The following COL5A1 variants were observed in gnomAD, a reference collection of about 807,000 sequenced individuals.
COL5A1 encodes the protein collagen type V alpha 1 chain.
COL5A1 carries 16 observed loss-of-function variants against 263.7 expected under a neutral mutation model. That is an observed-to-expected ratio of 0.06 (90% confidence interval 0.04 to 0.09). COL5A1 has a LOEUF of 0.09. COL5A1 is among the 10% of genes least tolerant of loss of function. COL5A1 has a pLI of 1.00. For synonymous variants in COL5A1, 1,012 were observed against 1,004.5 expected (o/e 1.01, Z -0.14); for missense variants, 2,036 against 2,540.5 (o/e 0.80, Z 4.27).
chr9:134,774,863 C>T lies in COL5A1; in HGVS notation c.2336C>T (p.Pro779Leu), dbSNP rs1158409646. The T allele has an allele frequency of 1.9e-6, 3 of 1,613,802 alleles. No homozygotes were observed. In the Admixed American group the frequency reaches 5.0e-5, roughly 27 times the overall value. Reference sequence around the variant, plus strand: ...TCTTTTTCTGTTTGGTTTTAGGGTCCACCTGGCCCCCAGGGTCCGATTGGC... The same window carrying T: ...TCTTTTTCTGTTTGGTTTTAGGGTCTACCTGGCCCCCAGGGTCCGATTGGC... ...GPPGEKGGQG[P>L]PGPQGPIGYP... Residue 779 changes from proline to leucine, a missense_variant, in exon 27 of 66, where the codon CCA (proline) becomes CTA (leucine). This residue lies in a region of COL5A1 where 1,078 missense variants were observed against 1,521.4 expected (regional missense o/e 0.71). Transcript: ENST00000371817.
intron 19 of COL5A1, 59 bp downstream of exon 19, chr9:134,762,037 G>A: frequency 6.3e-7 from 1 of 1,575,324 alleles, no homozygotes; most frequent in Non-Finnish European, 8.7e-7. Context: ...AGTGATTTGG[G>A]CAGGAAAACC....
chr9:134,742,100 C>A lies in COL5A1; in HGVS notation c.1494+3292C>A, dbSNP rs1207125308. The stretch of plus-strand genomic sequence containing the variant: ...CTGCTGAAGCCCACACCCTGTGCCT[C>A]CACTGGCTGGCCCTGGGTGTTGCTT... On this transcript the variant is annotated intron_variant, in intron 11 of 65. Coordinates refer to ENST00000371817, the MANE Select transcript of COL5A1 (RefSeq NM_000093.5). The surrounding 1 kb of genome is among the most constrained non-coding windows in gnomAD (Gnocchi z 4.6). Among the ~76,000 whole-genome samples the A allele has an allele frequency of 5.9e-5, 9 of 152,244 alleles. No individual in the cohort carries two copies. Among genetic ancestry groups the A allele is most frequent in the Non-Finnish European group, 1.3e-4 (9 of 68,042 alleles).
intron 61 of COL5A1, among the ~76,000 whole-genome samples, chr9:134,823,759 GTGTA>G (rs1033910947): frequency 1.3e-5 from 2 of 152,178 alleles, no homozygotes; most frequent in Non-Finnish European, 2.9e-5. Flanking sequence ...TAGTATATGC[GTGTA>G]TGTGACTGGG....
At chr9:134,838,301 C>A (rs527493874) in intron 65 of COL5A1, among the ~76,000 whole-genome samples, 81 of 152,304 alleles carry the variant, frequency 5.3e-4, no homozygotes, top group African/African-American at 1.9e-3. Context: ...CTCCCAGGGG[C>A]AAAATCTCCC....
chr9:134,762,495 C>T (rs1003686844), intron 19 of COL5A1, among the ~76,000 whole-genome samples: 1 of 152,142 alleles, frequency 6.6e-6, no homozygotes, highest in African/African-American at 2.4e-5. Context: ...TGTTCTCCAG[C>T]ATGGACGCAC....
intron 4 of COL5A1, among the ~76,000 whole-genome samples, chr9:134,707,345 C>G (rs989685912): frequency 6.6e-6 from 1 of 152,240 alleles, no homozygotes; most frequent in Non-Finnish European, 1.5e-5. Flanking sequence ...CAAGCTCTAA[C>G]GGTCCTCCAT....
intron 43 of COL5A1, among the ~76,000 whole-genome samples, chr9:134,809,765 G>T (rs1451964631): frequency 6.6e-6 from 1 of 152,110 alleles, no homozygotes; most frequent in African/African-American, 2.4e-5. Flanking sequence ...TTCATTTAAC[G>T]CAGACAGTGA....
intron 1 of COL5A1, among the ~76,000 whole-genome samples, chr9:134,674,421 A>T (rs1406814079): frequency 6.6e-6 from 1 of 152,184 alleles, no homozygotes; most frequent in Non-Finnish European, 1.5e-5. Context: ...GACATTTGAG[A>T]AAAGGCAGAA....
In COL5A1 at chr9:134,765,011, G is replaced by C. The variant is rs1836604380; in HGVS notation, c.2035-670G>C. Among the ~76,000 whole-genome samples, 1 of 152,176 alleles carries C rather than the reference G, an allele frequency of 6.6e-6. No individual in the cohort carries two copies. Among genetic ancestry groups the C allele is most frequent in the Non-Finnish European group, 1.5e-5 (1 of 68,018 alleles). ...CTCTGTAATTCTCCGTGGGTGGGGG[G>C]TGTGAGTGCCCTGTGGCAGGCAGTT... is the stretch of plus-strand genomic sequence containing the variant. On this transcript the variant is annotated intron_variant, in intron 20 of 65. Coordinates refer to ENST00000371817, the MANE Select transcript of COL5A1 (RefSeq NM_000093.5). The surrounding 1 kb of genome is among the most constrained non-coding windows in gnomAD (Gnocchi z 5.1).
intron 2 of COL5A1, among the ~76,000 whole-genome samples, chr9:134,698,522 A>G (rs1024380989): frequency 6.6e-6 from 1 of 152,190 alleles, no homozygotes; most frequent in African/African-American, 2.4e-5. Flanking sequence ...CACCTTACAG[A>G]GGATGCAGAG....
At chr9:134,728,861 A>G in intron 6 of COL5A1, 54 bp downstream of exon 6, 1 of 1,610,532 alleles carries the variant, frequency 6.2e-7, no homozygotes, top group Non-Finnish European at 8.5e-7. Context: ...GCCATGGTGC[A>G]GGGGAGGGCG....
chr9:134,796,414 A>G lies in COL5A1; in HGVS notation c.2840A>G (p.Glu947Gly). 1 of 1,614,066 alleles carries G rather than the reference A, an allele frequency of 6.2e-7. No homozygotes were observed. The highest frequency in any genetic ancestry group is 8.5e-7 in the Non-Finnish European group (1 of 1,180,012). Residue 947 changes from glutamate to glycine, a missense_variant, in exon 35 of 66, where the codon GAA (glutamate) becomes GGA (glycine). Glu to Gly is a moderately conservative substitution (Grantham distance 98). Transcript: ENST00000371817. ...GACGGCCCAGCTGGCCCTCCTGGTG[A>G]ACGGGTAAGCAGCTGGAGCCTTCGG... ...GGDGPAGPPG[E>G]RGPNGPQGPT...
At chr9:134,761,197 C>T (rs1189371376) in intron 18 of COL5A1, among the ~76,000 whole-genome samples, 1 of 148,522 alleles carries the variant, frequency 6.7e-6, no homozygotes, top group East Asian at 2.0e-4. Context: ...CCCCATCCCC[C>T]CACATGCACA....
At chr9:134,749,715 C>T (rs931309047) in intron 11 of COL5A1, among the ~76,000 whole-genome samples, 1 of 152,166 alleles carries the variant, frequency 6.6e-6, no homozygotes, top group African/African-American at 2.4e-5. Context: ...TTGGTGGAGG[C>T]TTTTCTCACT....
At chr9:134,832,067 C>T (rs569105579) in intron 64 of COL5A1, among the ~76,000 whole-genome samples, 10 of 152,196 alleles carry the variant, frequency 6.6e-5, no homozygotes, top group Non-Finnish European at 1.5e-5. Flanking sequence ...GAGTTTGAGA[C>T]CAGCCTGGGC....
In COL5A1 at chr9:134,815,573, C is replaced by T. The variant is rs866748424; in HGVS notation, c.4015-3C>T. 6.2e-7 allele frequency: 1 copy of T among 1,613,130 alleles called. No individual in the cohort carries two copies. The highest frequency in any genetic ancestry group is 8.5e-7 in the Non-Finnish European group (1 of 1,179,776). On this transcript the variant is annotated splice_polypyrimidine_tract_variant and splice_region_variant and intron_variant, in intron 50 of 65. Coordinates refer to ENST00000371817, the MANE Select transcript of COL5A1 (RefSeq NM_000093.5). The stretch of plus-strand genomic sequence containing the variant: ...TGGCTGCTTCCTTCTTTCTTCCTTT[C>T]AGGGCCCAGTGGGTTTTCCTGGAGA...
chr9:134,785,740 C>T (rs1837432474), intron 30 of COL5A1, among the ~76,000 whole-genome samples: 1 of 152,230 alleles, frequency 6.6e-6, no homozygotes, highest in African/African-American at 2.4e-5. Flanking sequence ...TCCACAGTGG[C>T]AAGACCTCTC....
chr9:134,654,925 G>T (rs1347563209), intron 1 of COL5A1, among the ~76,000 whole-genome samples: 1 of 117,400 alleles, frequency 8.5e-6, no homozygotes, highest in Non-Finnish European at 1.8e-5. Flanking sequence ...GTAGGGCTGG[G>T]GGTGTGTAGG....
At chr9:134,727,456 T>A in intron 5 of COL5A1, 59 bp downstream of exon 5, 3 of 1,593,990 alleles carry the variant, frequency 1.9e-6, no homozygotes, top group Non-Finnish European at 2.6e-6. Context: ...GGATGGTTGG[T>A]GAAGAGACAC....
Sources: gnomAD v4.1 joint callset for allele counts (sites outside exome capture counted in the v4.1 genomes callset) on GRCh38, gnomAD v4.1.1 for gene constraint, gnomAD v4.1.1 regional missense constraint, Gnocchi (gnomAD v3.1) non-coding constraint, MANE v1.5 for transcripts, NCBI Gene and HGNC (gene_info 2026-07-23, HGNC 2026-07-21) for gene names.